The following NEDD4L variants were observed in gnomAD, a reference collection of about 807,000 sequenced individuals.
The protein encoded by NEDD4L is NEDD4 like E3 ubiquitin protein ligase.
NEDD4L carries 54 observed loss-of-function variants against 148.9 expected under a neutral mutation model. The observed-to-expected ratio is 0.36, with a 90% confidence interval of 0.29 to 0.45. The LOEUF (loss-of-function observed/expected upper bound fraction) is 0.45. NEDD4L is among the 20% of genes least tolerant of loss of function. The pLI is 1.00. For synonymous variants in NEDD4L, 433 were observed against 440.7 expected (o/e 0.98, Z 0.22); for missense variants, 856 against 1,233.8 (o/e 0.69, Z 4.59).
At chr18:58,302,778 GC>G (rs2056644702) in intron 5 of NEDD4L, among the ~76,000 whole-genome samples, 1 of 152,162 alleles carries the variant, frequency 6.6e-6, no homozygotes. Context: ...TGCCCATTTA[GC>G]TAGCTCTTTC....
At chr18:58,332,406 G>A (rs1006470551) in intron 11 of NEDD4L, among the ~76,000 whole-genome samples, 1 of 152,178 alleles carries the variant, frequency 6.6e-6, no homozygotes, top group African/African-American at 2.4e-5. Context: ...CCAGCACTTT[G>A]AGAGGCTGAA....
intron 2 of NEDD4L, among the ~76,000 whole-genome samples, chr18:58,188,534 G>T (rs987029516): frequency 2.6e-5 from 4 of 152,218 alleles, no homozygotes; most frequent in Non-Finnish European, 5.9e-5. Context: ...CTAGCCTTGG[G>T]GCTCCTAATT....
chr18:58,268,796 T>G (rs1446822669), intron 5 of NEDD4L, among the ~76,000 whole-genome samples: 1 of 152,106 alleles, frequency 6.6e-6, no homozygotes, highest in Admixed American at 6.5e-5. Context: ...TCCTCAGGCT[T>G]CTTTAAGCTG....
intron 1 of NEDD4L, among the ~76,000 whole-genome samples, chr18:58,066,630 A>G (rs1303131384): frequency 6.6e-6 from 1 of 151,954 alleles, no homozygotes; most frequent in Non-Finnish European, 1.5e-5. Context: ...GTCCGTTTTT[A>G]CACTCCTATA....
At chr18:58,223,355 T>C (rs2043981195) in intron 2 of NEDD4L, among the ~76,000 whole-genome samples, 1 of 152,184 alleles carries the variant, frequency 6.6e-6, no homozygotes, top group Non-Finnish European at 1.5e-5. Context: ...AGATATAAAA[T>C]GAAGGCAGGT....
chr18:58,302,314 C>T (rs2056583625), intron 5 of NEDD4L, among the ~76,000 whole-genome samples: 1 of 152,168 alleles, frequency 6.6e-6, no homozygotes, highest in Non-Finnish European at 1.5e-5. Flanking sequence ...GTTTTTTAGC[C>T]TTATTTAGTC....
intron 5 of NEDD4L, among the ~76,000 whole-genome samples, chr18:58,311,134 CA>C (rs2057651451): frequency 6.6e-6 from 1 of 151,814 alleles, no homozygotes; most frequent in Non-Finnish European, 1.5e-5. Context: ...TGATGGCACA[CA>C]AAAAGAAATT....
At chr18:58,298,351 C>T (rs2055978257) in intron 5 of NEDD4L, among the ~76,000 whole-genome samples, 2 of 152,132 alleles carry the variant, frequency 1.3e-5, no homozygotes, top group African/African-American at 4.8e-5. Flanking sequence ...CAGCTTATCC[C>T]TGGAACCCTG....
Position 58,364,062 on chromosome 18 carries a change from A to C in NEDD4L, c.1768-206A>C, listed in dbSNP as rs185557953. Among the ~76,000 whole-genome samples the C allele has an allele frequency of 2.8e-4, 43 of 152,290 alleles. 1 individual carries two copies. Among genetic ancestry groups the C allele is most frequent in the African/African-American group, 8.7e-4 (36 of 41,564 alleles). ...GCAGTATAGCTGTTTTCAGGGGTGA[A>C]AGCTGCATTCAAAGCTGATTAGCCC... On this transcript the variant is annotated intron_variant, in intron 19 of 30. Transcript: ENST00000400345.
At chr18:58,280,524 G>C (rs1247623274) in intron 5 of NEDD4L, among the ~76,000 whole-genome samples, 1 of 152,198 alleles carries the variant, frequency 6.6e-6, no homozygotes, top group Non-Finnish European at 1.5e-5. Flanking sequence ...TTAGGAGGCA[G>C]AGCGAGCACA....
At chr18:58,206,840 C>G (rs953693176) in intron 2 of NEDD4L, among the ~76,000 whole-genome samples, 2 of 152,158 alleles carry the variant, frequency 1.3e-5, no homozygotes, top group Non-Finnish European at 2.9e-5. Context: ...CACGAACATA[C>G]AGGTAGGAAT....
chr18:58,122,743 C>CTTTTTTTTTT (rs944368993), intron 1 of NEDD4L, among the ~76,000 whole-genome samples: 2 of 147,558 alleles, frequency 1.4e-5, no homozygotes, highest in African/African-American at 5.0e-5. Context: ...TTTTCTTTTT[C>CTTTTTTTTTT]TTTTTTTTTT....
At chr18:58,132,354 AAGGGCTGCT>A (rs2032279275) in intron 1 of NEDD4L, among the ~76,000 whole-genome samples, 1 of 152,238 alleles carries the variant, frequency 6.6e-6, no homozygotes, top group African/African-American at 2.4e-5. Flanking sequence ...GAATGGGTCC[AAGGGCTGCT>A]GTATTTAAAT....
intron 1 of NEDD4L, among the ~76,000 whole-genome samples, chr18:58,084,273 C>T (rs1198378925): frequency 1.3e-5 from 2 of 152,118 alleles, no homozygotes; most frequent in Non-Finnish European, 2.9e-5. Flanking sequence ...CAAGGACTAA[C>T]TGCTAATGGG....
chr18:58,365,476 T>G (rs1002469548), intron 20 of NEDD4L, among the ~76,000 whole-genome samples: 2 of 152,178 alleles, frequency 1.3e-5, no homozygotes, highest in Non-Finnish European at 2.9e-5. Flanking sequence ...CGAACCATGC[T>G]TTGGGCTGCT....
At chr18:58,311,840 C>G (rs373778617) in intron 5 of NEDD4L, among the ~76,000 whole-genome samples, 8 of 152,360 alleles carry the variant, frequency 5.3e-5, no homozygotes, top group East Asian at 3.9e-4. Flanking sequence ...GCACTCCCAT[C>G]TGGGGAAATG....
chr18:58,221,326 G>A (rs959343088), intron 2 of NEDD4L, among the ~76,000 whole-genome samples: 4 of 152,176 alleles, frequency 2.6e-5, no homozygotes, highest in Non-Finnish European at 5.9e-5. Flanking sequence ...CTCTGTTATT[G>A]CCCATCCTGT....
intron 2 of NEDD4L, among the ~76,000 whole-genome samples, chr18:58,231,852 CT>C (rs1447189981): frequency 2.6e-5 from 4 of 152,236 alleles, no homozygotes; most frequent in African/African-American, 4.8e-5. Context: ...GCATGAGCCA[CT>C]GTGCCTGGCC....
chr18:58,206,820 A>G (rs2042029630), intron 2 of NEDD4L, among the ~76,000 whole-genome samples: 1 of 152,174 alleles, frequency 6.6e-6, no homozygotes, highest in African/African-American at 2.4e-5. Context: ...TCATTGGGCA[A>G]ATATTACAGC....
Sources: allele counts gnomAD v4.1 joint callset (sites outside exome capture counted in the v4.1 genomes callset), GRCh38; gene constraint gnomAD v4.1.1; transcripts MANE v1.5; gene names NCBI Gene and HGNC (gene_info 2026-07-23, HGNC 2026-07-21).